SHBG: variants seen among roughly 807,000 people sequenced by gnomAD.
The protein encoded by SHBG is sex hormone binding globulin.
Under a neutral mutation model 41.9 loss-of-function variants are expected in SHBG, and 37 were observed. The observed-to-expected ratio is 0.88, with a 90% CI of 0.68 to 1.16. The LOEUF (loss-of-function observed/expected upper bound fraction) is 1.16. SHBG is among the 50% of genes most tolerant of loss of function. The pLI is 0.00. For synonymous variants in SHBG, 217 were observed against 205.8 expected, an observed-to-expected ratio of 1.05 and a Z score of -0.47; for missense variants, 466 against 499.9, an observed-to-expected ratio of 0.93 and a Z score of 0.65.
intron 1 of SHBG, among the ~76,000 whole-genome samples, chr17:7,620,786 A>G (rs2072078298): frequency 6.6e-6 from 1 of 151,208 alleles, no homozygotes; most frequent in Non-Finnish European, 1.5e-5. Flanking sequence ...ATGTGCCACC[A>G]CACCCAGCTA....
At position 7,630,703 on chromosome 17, in the gene SHBG, G is replaced by T. The variant is rs1183237310; in HGVS notation, c.227G>T (p.Arg76Leu). 6.2e-7 allele frequency: 1 copy of T among 1,613,846 alleles called. No individual in the cohort carries two copies. Among genetic ancestry groups the T allele is most frequent in the East Asian group, 2.2e-5 (1 of 44,888 alleles). The change falls in exon 3 of 8, where the codon CGA becomes CTA. Residue 76 changes from arginine (R) to leucine (L), a missense_variant. Transcript: ENST00000380450. The surrounding 1 kb of genome is among the most constrained non-coding windows in gnomAD (Gnocchi z 4.6). ...ITKTSSSFEV[R>L]TWDPEGVIFY... ...AGAACCTCCTCCTCCTTTGAGGTTC[G>T]AACCTGGGACCCAGAGGGAGTGATT... is the stretch of plus-strand genomic sequence containing the variant.
chr17:7,624,257 T>C (rs2072150798), upstream of SHBG, among the ~76,000 whole-genome samples: 1 of 150,710 alleles, frequency 6.6e-6, no homozygotes, highest in Non-Finnish European at 1.5e-5. Context: ...GGCCATTTTC[T>C]TTTTTTTTGA....
At chr17:7,631,409 C>A in intron 4 of SHBG, 48 bp downstream of exon 4, 1 of 1,600,742 alleles carries the variant, frequency 6.2e-7, no homozygotes, top group Non-Finnish European at 8.5e-7. Flanking sequence ...TGGTAAAGCA[C>A]TGCTGGGTGG....
rs1256265539 is a variant in SHBG at position 7,631,699 on chromosome 17, T to G, written c.666T>G (p.Asn222Lys). The G allele has an allele frequency of 6.2e-7, 1 of 1,614,090 alleles. No homozygotes were observed. ...TSLRSCDVESNPGIFLPPGTQ... is the reference protein window; with the variant it reads ...TSLRSCDVESKPGIFLPPGTQ... The stretch of plus-strand genomic sequence containing the variant: ...TCAGAAGCTGTGATGTAGAATCAAA[T>G]CCCGGGATATTTCTCCCTCCAGGGA... The change falls in exon 5 of 8, where the codon AAT (asparagine) becomes AAG (lysine). Residue 222 changes from asparagine to lysine, a missense_variant. Transcript: ENST00000380450.
chr17:7,631,566 A>G (rs753741385), intron 4 of SHBG, 23 bp from the exon 5 acceptor site: 5 of 1,613,762 alleles, frequency 3.1e-6, no homozygotes, highest in Non-Finnish European at 4.2e-6. Context: ...ACATCCCCGT[A>G]TCTTATCTCT....
At chr17:7,625,460 C>A (rs893899889), upstream of SHBG, among the ~76,000 whole-genome samples, 1 of 151,450 alleles carries the variant, frequency 6.6e-6, no homozygotes, top group African/African-American at 2.4e-5. Flanking sequence ...GCCTGTAGTC[C>A]CAGCTGTTCA....
chr17:7,614,610 G>A (rs2150951377), intron 1 of SHBG: 2 of 925,410 alleles, frequency 2.2e-6, no homozygotes, highest in Non-Finnish European at 1.4e-6. Context: ...GGCCCCCGGC[G>A]TCTCCCCGGA....
At chr17:7,620,551 C>T (rs1177072474) in intron 1 of SHBG, among the ~76,000 whole-genome samples, 2 of 152,030 alleles carry the variant, frequency 1.3e-5, no homozygotes, top group Non-Finnish European at 2.9e-5. Context: ...GAACTCCTGA[C>T]CTCAAGTGAT....
chr17:7,619,544 A>G (rs1482144179), intron 1 of SHBG, among the ~76,000 whole-genome samples: 1 of 150,410 alleles, frequency 6.6e-6, no homozygotes, highest in South Asian at 2.1e-4. Context: ...CATCTCTACT[A>G]AAAATACAAA....
At chr17:7,628,569 C>T (rs539171377), upstream of SHBG, among the ~76,000 whole-genome samples, 29 of 152,158 alleles carry the variant, frequency 1.9e-4, no homozygotes, top group Admixed American at 1.7e-3. Flanking sequence ...GCCTCACCCT[C>T]GGAGTAGCTG....
rs2071911719 is a variant in SHBG at position 7,614,199 on chromosome 17, A to C, written c.-62+88A>C. The C allele has an allele frequency of 5.9e-6, 4 of 676,254 alleles. No individual in the cohort carries two copies. In the East Asian group the frequency reaches 1.1e-4, roughly 19 times the overall value. The allele number at this position is 676,254 out of a possible 1,614,324, so 41.9% of individuals were successfully genotyped here. ...CGGAGCGGGGAGCGCCAAGCCAGGG[A>C]CAATAATGGCCTGAAGTTCATTCTC... is the stretch of plus-strand genomic sequence containing the variant. On this transcript the variant is annotated intron_variant, in intron 1 of 5. Coordinates refer to the SHBG transcript ENST00000570547.
At chr17:7,617,311 T>A (rs1228143694) in intron 1 of SHBG, among the ~76,000 whole-genome samples, 2 of 151,920 alleles carry the variant, frequency 1.3e-5, no homozygotes, top group Non-Finnish European at 2.9e-5. Flanking sequence ...ATTATTAATA[T>A]TGCAACCATG....
At chr17:7,629,381 T>TAAAATAAAAC (rs2072327010), upstream of SHBG, among the ~76,000 whole-genome samples, 1 of 68,212 alleles carries the variant, frequency 1.5e-5, no homozygotes, top group Non-Finnish European at 3.3e-5. Context: ...CTGTCTAAAA[T>TAAAATAAAAC]AAAATAAAAT....
chr17:7,630,620 C>T lies in SHBG; in HGVS notation c.204-60C>T. 1.9e-6 allele frequency: 3 copies of T among 1,557,292 alleles called. No individual in the cohort carries two copies. Among genetic ancestry groups the T allele is most frequent in the Non-Finnish European group, 2.7e-6 (3 of 1,130,308 alleles). ...ATCTGTGAACACCATCTCCCCCAAACCCACACTGGTTCTCAAAGGACACAT... is the reference window on the plus strand; with the variant it reads ...ATCTGTGAACACCATCTCCCCCAAATCCACACTGGTTCTCAAAGGACACAT... On this transcript the variant is annotated intron_variant, in intron 2 of 7. Transcript: ENST00000380450. The surrounding 1 kb of genome is among the most constrained non-coding windows in gnomAD (Gnocchi z 4.6).
chr17:7,631,647 A>C lies in SHBG; in HGVS notation c.614A>C (p.Glu205Ala). 6.2e-7 allele frequency: 1 copy of C among 1,614,150 alleles called. No homozygotes were observed. Among genetic ancestry groups the C allele is most frequent in the Non-Finnish European group, 8.5e-7 (1 of 1,180,026 alleles). The change falls in exon 5 of 8, where the codon GAG (glutamate) becomes GCG (alanine). Residue 205 changes from glutamate to alanine, a missense_variant. Glu to Ala is a moderately radical substitution (Grantham distance 107, BLOSUM62 -1). Transcript: ENST00000380450. ...RRDSWLDKQA[E>A]ISASAPTSLR... is the part of the protein sequence containing the mutation. ...GATTCCTGGCTGGACAAACAGGCCG[A>C]GATCTCAGCATCTGCCCCCACTAGC...
chr17:7,631,251 G>C lies in SHBG; in HGVS notation c.445G>C (p.Glu149Gln), dbSNP rs1183229885. ...TGTGCTGCTGGAGGTGGATGGGGAG[G>C]AGGTGCTGCGCCTGAGACAGGTCTC... The part of the protein sequence containing the change: ...DSVLLEVDGE[E>Q]VLRLRQVSGP... The change falls in exon 4 of 8, where the codon GAG becomes CAG. Residue 149 changes from glutamate (E) to glutamine (Q), a missense_variant. Glu to Gln is a conservative substitution (Grantham distance 29). Transcript: ENST00000380450. 2.5e-6 allele frequency: 4 copies of C among 1,607,222 alleles called. No homozygotes were observed.
At chr17:7,626,239 A>C, upstream of SHBG, 3 of 541,706 alleles carry the variant, frequency 5.5e-6, no homozygotes, top group East Asian at 3.2e-5. Flanking sequence ...CCACATCAGG[A>C]CATGTAATTC....
At chr17:7,620,390 C>T (rs11078701) in intron 1 of SHBG, among the ~76,000 whole-genome samples, 4,359 of 152,246 alleles carry the variant, frequency 0.029, 223 homozygotes, top group East Asian at 0.23. Context: ...GATGTTGGCT[C>T]ACTGCAACCC....
chr17:7,620,767 A>G (rs1049184802), intron 1 of SHBG, among the ~76,000 whole-genome samples: 1 of 151,476 alleles, frequency 6.6e-6, no homozygotes, highest in Admixed American at 6.6e-5. Context: ...AATAGCTTGG[A>G]TTACAGACAT....
Sources: gnomAD v4.1 joint callset for allele counts (sites outside exome capture counted in the v4.1 genomes callset) on GRCh38, gnomAD v4.1.1 for gene constraint, Gnocchi (gnomAD v3.1) non-coding constraint, MANE v1.5 for transcripts, NCBI Gene and HGNC (gene_info 2026-07-23, HGNC 2026-07-21) for gene names.